Variants in ZNF277 observed in about 807,000 individuals in gnomAD.
The protein encoded by ZNF277 is zinc finger protein 277.
ZNF277 carries 55 observed loss-of-function variants against 60.7 expected under a neutral mutation model. That is an observed-to-expected ratio of 0.91 (90% CI 0.73 to 1.13). ZNF277 has a LOEUF of 1.13. Among genes scored for constraint, ZNF277 ranks in the 50% most tolerant of loss-of-function variants. The pLI, the probability that ZNF277 is intolerant of heterozygous loss-of-function variation, is 0.00. For synonymous variants in ZNF277, 178 were observed against 179.3 expected (o/e 0.99, Z 0.06); for missense variants, 510 against 523.0 (o/e 0.98, Z 0.24).
At chr7:112,290,535 G>A (rs954985291) in intron 2 of ZNF277, among the ~76,000 whole-genome samples, 1 of 152,120 alleles carries the variant, frequency 6.6e-6, no homozygotes, top group East Asian at 1.9e-4. Flanking sequence ...TGATATAAGT[G>A]CTTTCTAAAG....
chr7:112,240,275 C>T (rs1479800114), intron 1 of ZNF277, among the ~76,000 whole-genome samples: 2 of 151,846 alleles, frequency 1.3e-5, no homozygotes, highest in African/African-American at 4.8e-5. Flanking sequence ...AGTGTTACAT[C>T]AAGTTAAAAA....
At chr7:112,296,469 G>A (rs1213416794) in intron 4 of ZNF277, among the ~76,000 whole-genome samples, 158 bp downstream of exon 4, 6 of 148,980 alleles carry the variant, frequency 4.0e-5, no homozygotes, top group Admixed American at 4.0e-4. Context: ...CAAAAAAAAA[G>A]TATACACTTG....
chr7:112,239,577 A>G (rs1230390294), intron 1 of ZNF277, among the ~76,000 whole-genome samples: 1 of 152,216 alleles, frequency 6.6e-6, no homozygotes, highest in African/African-American at 2.4e-5. Context: ...AAAGAGAACA[A>G]GAGACTCTGC....
rs10710470 is a variant in ZNF277 at position 112,286,841 on chromosome 7, C to CTTTTTTTTTT, written c.92-22_92-13dup. Reference sequence around the variant, plus strand: ...AGTTGGTTTCAGCTTTTCTTTCTTTCTTTTTTTTTTTTTTTTTTTGGTCTA... The same window carrying CTTTTTTTTTT: ...AGTTGGTTTCAGCTTTTCTTTCTTTCTTTTTTTTTTTTTTTTTTTTTTTTTTTTTGGTCTA... On this transcript the variant is annotated intron_variant, in intron 1 of 11. Coordinates refer to ENST00000361822, the MANE Select transcript of ZNF277 (RefSeq NM_021994.3). 1,970 of 949,906 alleles carry CTTTTTTTTTT rather than the reference C, an allele frequency of 2.1e-3. 74 individuals are homozygous for CTTTTTTTTTT. The highest frequency in any genetic ancestry group is 6.8e-3 in the African/African-American group (244 of 35,636). The allele number at this position is 949,906 out of a possible 1,614,324, so 58.8% of individuals were successfully genotyped here.
chr7:112,289,944 A>G (rs183380494), intron 2 of ZNF277, among the ~76,000 whole-genome samples: 1,930 of 151,922 alleles, frequency 0.013, 43 homozygotes, highest in African/African-American at 0.045. Flanking sequence ...CACATTGTGC[A>G]GGTTAGTTAC....
At chr7:112,224,892 C>A (rs1055469648) in intron 1 of ZNF277, among the ~76,000 whole-genome samples, 2 of 152,028 alleles carry the variant, frequency 1.3e-5, no homozygotes, top group African/African-American at 4.8e-5. Context: ...CCTGCAATCC[C>A]AGTATTTTGG....
chr7:112,317,740 A>G (rs891259774), intron 4 of ZNF277, among the ~76,000 whole-genome samples: 1 of 152,130 alleles, frequency 6.6e-6, no homozygotes, highest in Non-Finnish European at 1.5e-5. Context: ...CACAATGACT[A>G]AAAACTGAAC....
At chr7:112,334,100 A>G (rs762536451) in intron 7 of ZNF277, among the ~76,000 whole-genome samples, 21 of 152,116 alleles carry the variant, frequency 1.4e-4, no homozygotes, top group Non-Finnish European at 2.9e-4. Flanking sequence ...ATAGTTTTTT[A>G]TAGTTTTCTC....
chr7:112,213,442 T>A (rs1262378203), intron 1 of ZNF277, among the ~76,000 whole-genome samples: 1 of 152,214 alleles, frequency 6.6e-6, no homozygotes, highest in African/African-American at 2.4e-5. Flanking sequence ...ACCCAACTTG[T>A]AGGATATTTA....
intron 1 of ZNF277, among the ~76,000 whole-genome samples, chr7:112,242,076 C>A (rs115761423): frequency 2.6e-5 from 4 of 151,966 alleles, no homozygotes; most frequent in Non-Finnish European, 5.9e-5. Flanking sequence ...GGTTCTTATG[C>A]ACCATATGCC....
At chr7:112,261,099 C>G (rs1195847472) in intron 1 of ZNF277, among the ~76,000 whole-genome samples, 1 of 152,132 alleles carries the variant, frequency 6.6e-6, no homozygotes, top group Non-Finnish European at 1.5e-5. Flanking sequence ...TGGGAAGATC[C>G]CAGCCACCAT....
chr7:112,342,389 G>C (rs1348018770), intron 11 of ZNF277, among the ~76,000 whole-genome samples, 172 bp from the exon 12 acceptor site: 1 of 152,208 alleles, frequency 6.6e-6, no homozygotes, highest in Non-Finnish European at 1.5e-5. Flanking sequence ...ATGTCAGCCA[G>C]TAAAAGTCAA....
intron 1 of ZNF277, among the ~76,000 whole-genome samples, chr7:112,253,735 C>T (rs1791245594): frequency 6.6e-6 from 1 of 152,096 alleles, no homozygotes; most frequent in Non-Finnish European, 1.5e-5. Context: ...TTTTTGTTTT[C>T]TTCCCTGAAT....
At chr7:112,292,694 C>T (rs1792236481) in intron 2 of ZNF277, among the ~76,000 whole-genome samples, 1 of 152,134 alleles carries the variant, frequency 6.6e-6, no homozygotes, top group Non-Finnish European at 1.5e-5. Context: ...AAGTTCACAT[C>T]TCAATTCTAA....
intron 1 of ZNF277, among the ~76,000 whole-genome samples, chr7:112,282,213 A>G (rs1227882610): frequency 6.6e-6 from 1 of 152,230 alleles, no homozygotes; most frequent in Non-Finnish European, 1.5e-5. Context: ...ATAAATAATT[A>G]ATTACAACAG....
At chr7:112,254,611 G>T (rs981579346) in intron 1 of ZNF277, among the ~76,000 whole-genome samples, 6 of 152,202 alleles carry the variant, frequency 3.9e-5, no homozygotes, top group African/African-American at 1.2e-4. Flanking sequence ...CACAATGTCA[G>T]ATTAGCTAAT....
chr7:112,214,188 T>G (rs1219830851), intron 1 of ZNF277, among the ~76,000 whole-genome samples: 2 of 152,218 alleles, frequency 1.3e-5, no homozygotes, highest in Non-Finnish European at 2.9e-5. Context: ...CACTTCCATC[T>G]GGAAAAACTG....
intron 9 of ZNF277, among the ~76,000 whole-genome samples, chr7:112,338,312 G>A (rs184390344): frequency 1.7e-4 from 26 of 152,242 alleles, no homozygotes; most frequent in Admixed American, 1.4e-3. Context: ...TTCCCTTCTG[G>A]ATGCCATTTT....
chr7:112,320,320 AT>A (rs1011179443), intron 5 of ZNF277, among the ~76,000 whole-genome samples: 1 of 152,158 alleles, frequency 6.6e-6, no homozygotes, highest in Non-Finnish European at 1.5e-5. Flanking sequence ...GTAAATGCAC[AT>A]TTTTTTAAAA....
Sources: gnomAD v4.1 joint callset for allele counts (sites outside exome capture counted in the v4.1 genomes callset) on GRCh38, gnomAD v4.1.1 for gene constraint, MANE v1.5 for transcripts, NCBI Gene and HGNC (gene_info 2026-07-23, HGNC 2026-07-21) for gene names.